The following SYT1 variants were observed in gnomAD, a reference collection of about 807,000 sequenced individuals.
SYT1 encodes synaptotagmin 1, also known as synaptotagmin-1.
SYT1 carries 8 observed loss-of-function variants against 44.8 expected under a neutral mutation model. The observed-to-expected ratio is 0.18, with a 90% CI of 0.10 to 0.32. The LOEUF (loss-of-function observed/expected upper bound fraction) is 0.32, where lower values mean the gene tolerates loss of function less well. SYT1 is among the 10% of genes least tolerant of loss of function. The probability of loss-of-function intolerance (pLI) is 1.00; values close to 1 mark genes in which losing one functional copy is unlikely to be tolerated. For missense variants in SYT1, 286 were observed against 509.3 expected (o/e 0.56, Z 4.22); for synonymous variants, 154 against 188.8 (o/e 0.82, Z 1.51).
rs143835400 is a variant in SYT1, at chr12:79,243,790, A to G, written c.166+26105A>G. Among the ~76,000 whole-genome samples the G allele has an allele frequency of 5.9e-5, 9 of 152,226 alleles. No homozygotes were observed. The East Asian group carries it at 1.7e-3, about 29-fold the overall frequency. On this transcript the variant is annotated intron_variant, in intron 4 of 10. Transcript: ENST00000261205. ...AGGTAACATTACAAATTTACTTAGC[A>G]TAAAAAGTAAGGAAGGAGGAAAGGA...
At chr12:78,927,485 T>C (rs991101017) in intron 1 of SYT1, among the ~76,000 whole-genome samples, 2 of 152,184 alleles carry the variant, frequency 1.3e-5, no homozygotes, top group Non-Finnish European at 2.9e-5. Flanking sequence ...TTATGAGATA[T>C]GTCCCATTCT....
intron 9 of SYT1, among the ~76,000 whole-genome samples, chr12:79,438,275 A>G (rs909364538): frequency 2.0e-5 from 3 of 152,228 alleles, no homozygotes; most frequent in Non-Finnish European, 4.4e-5. Flanking sequence ...GCCAAAAAAA[A>G]GATGGCAGAT....
At chr12:79,134,985 C>CCATACACA (rs370134370) in intron 3 of SYT1, among the ~76,000 whole-genome samples, 2 of 147,886 alleles carry the variant, frequency 1.4e-5, no homozygotes, top group African/African-American at 5.0e-5. Context: ...AATGTTCTCA[C>CCATACACA]CACACACACA....
At chr12:79,226,676 A>C (rs1875539000) in intron 4 of SYT1, among the ~76,000 whole-genome samples, 1 of 152,220 alleles carries the variant, frequency 6.6e-6, no homozygotes, top group Non-Finnish European at 1.5e-5. Flanking sequence ...CATAAATAAA[A>C]GCCATGCCAT....
chr12:78,963,990 C>T (rs1340792161), intron 1 of SYT1: 1 of 152,304 alleles, frequency 6.6e-6, no homozygotes, highest in Admixed American at 6.5e-5. Context: ...GTTCCACTCT[C>T]ACTTTGCTTT....
intron 3 of SYT1, among the ~76,000 whole-genome samples, chr12:79,194,280 TG>T (rs1873308243): frequency 6.6e-6 from 1 of 152,082 alleles, no homozygotes; most frequent in African/African-American, 2.4e-5. Flanking sequence ...AAAATATAAT[TG>T]TTTTTTACTA....
chr12:79,291,938 AC>A, intron 5 of SYT1, 69 bp from the exon 6 acceptor site: 4 of 1,591,216 alleles, frequency 2.5e-6, no homozygotes, highest in Non-Finnish European at 3.4e-6. Flanking sequence ...AAGTGTAACT[AC>A]AGGCCCAGTT....
intron 9 of SYT1, among the ~76,000 whole-genome samples, chr12:79,360,554 A>G (rs1883280011): frequency 6.6e-6 from 1 of 152,138 alleles, no homozygotes; most frequent in African/African-American, 2.4e-5. Context: ...AATGGCAAAA[A>G]CTTATTTGAA....
chr12:79,141,489 G>A (rs1869554037), intron 3 of SYT1, among the ~76,000 whole-genome samples: 1 of 151,842 alleles, frequency 6.6e-6, no homozygotes, highest in East Asian at 1.9e-4. Flanking sequence ...TTATATTATT[G>A]TGGTTATATA....
At chr12:78,864,497 TCTTA>T (rs1410371044), upstream of SYT1, among the ~76,000 whole-genome samples, 1 of 151,798 alleles carries the variant, frequency 6.6e-6, no homozygotes, top group Non-Finnish European at 1.5e-5. Context: ...TCTGTTCCCC[TCTTA>T]CTTCACCCCC....
chr12:79,083,677 A>G (rs1451859091), intron 3 of SYT1, among the ~76,000 whole-genome samples: 2 of 152,172 alleles, frequency 1.3e-5, no homozygotes, highest in Non-Finnish European at 2.9e-5. Flanking sequence ...CATTACATAT[A>G]TTGTTTATAT....
chr12:79,130,684 G>A (rs149176440), intron 3 of SYT1, among the ~76,000 whole-genome samples: 200 of 152,158 alleles, frequency 1.3e-3, no homozygotes, highest in African/African-American at 2.7e-3. Context: ...ATAATTACCC[G>A]CATGGGATTT....
intron 1 of SYT1, among the ~76,000 whole-genome samples, chr12:78,951,148 A>C (rs1469323817): frequency 1.3e-5 from 2 of 152,096 alleles, no homozygotes; most frequent in Non-Finnish European, 2.9e-5. Flanking sequence ...CTTTTTTCCT[A>C]ATTCAGTAAT....
intron 3 of SYT1, among the ~76,000 whole-genome samples, chr12:79,098,787 A>G (rs895980394): frequency 6.6e-6 from 1 of 152,128 alleles, no homozygotes; most frequent in African/African-American, 2.4e-5. Flanking sequence ...CTCTTTGTGA[A>G]TAAGCAGCTC....
intron 2 of SYT1, among the ~76,000 whole-genome samples, chr12:78,984,131 A>G (rs1869462847): frequency 6.6e-6 from 1 of 151,926 alleles, no homozygotes; most frequent in African/African-American, 2.4e-5. Flanking sequence ...CACCAAGACA[A>G]ATTGCCAAGA....
At chr12:79,338,040 AG>A (rs1360384734) in intron 8 of SYT1, among the ~76,000 whole-genome samples, 23 of 152,210 alleles carry the variant, frequency 1.5e-4, no homozygotes, top group Admixed American at 1.5e-3. Context: ...ACTTGGTAAA[AG>A]GTTTGTCTTT....
At chr12:79,026,650 GTATATACATATATATTTTATATATA>G (rs1872541488) in intron 2 of SYT1, among the ~76,000 whole-genome samples, 1 of 117,214 alleles carries the variant, frequency 8.5e-6, no homozygotes, top group African/African-American at 3.2e-5. Flanking sequence ...TATTGTGTGT[GTATATACATATATATTTTATATATA>G]TATATATATA....
intron 2 of SYT1, among the ~76,000 whole-genome samples, chr12:78,980,469 T>G (rs1869166669): frequency 6.6e-6 from 1 of 152,210 alleles, no homozygotes; most frequent in South Asian, 2.1e-4. Context: ...AAGAATCATT[T>G]TATGTATCAA....
intron 1 of SYT1, among the ~76,000 whole-genome samples, chr12:78,928,622 A>C (rs937928717): frequency 6.6e-6 from 1 of 152,122 alleles, no homozygotes; most frequent in African/African-American, 2.4e-5. Flanking sequence ...GAACACATGC[A>C]CTGTGATATC....
Sources: gnomAD v4.1 joint callset for allele counts (sites outside exome capture counted in the v4.1 genomes callset) on GRCh38, gnomAD v4.1.1 for gene constraint, MANE v1.5 for transcripts, NCBI Gene and HGNC (gene_info 2026-07-23, HGNC 2026-07-21) for gene names.